CORO6: variants seen among roughly 807,000 people sequenced by gnomAD.
CORO6 encodes coronin-6.
CORO6 carries 43 observed loss-of-function variants against 49.0 expected under a neutral mutation model. The observed-to-expected ratio is 0.88, with a 90% confidence interval of 0.69 to 1.13. The LOEUF is 1.13. CORO6 is among the 50% of genes most tolerant of loss of function. The pLI, the probability that CORO6 is intolerant of heterozygous loss-of-function variation, is 0.00. For synonymous variants in CORO6, 233 were observed against 256.5 expected (o/e 0.91, Z 0.88); for missense variants, 650 against 647.0 (o/e 1.00, Z -0.05).
intron 1 of CORO6, 112 bp downstream of exon 1, chr17:29,622,576 C>G: frequency 5.6e-6 from 3 of 538,136 alleles, no homozygotes; most frequent in Non-Finnish European, 8.1e-6. Context: ...ACGTCCTCCC[C>G]GCCCGAAACC....
rs565883507 is a variant in CORO6 at position 29,615,960 on chromosome 17, G to A, written c.1278C>T (p.Ser426=). The part of the protein sequence containing the change: ...PSGPRRSQSA[S]DAPLSQQHTL... ...CCGATCTTACCGACAAGGGGGCGTC[G>A]CTGGCCGACTGGCTGCGGCGGGGGC... The change falls in exon 10 of 11, where the codon AGC becomes AGT. Residue 426 remains serine (S), a synonymous_variant. Transcript: ENST00000388767. 3.2e-6 allele frequency: 5 copies of A among 1,583,860 alleles called. No homozygotes were observed. The African/African-American group carries it at 6.7e-5, about 21-fold the overall frequency.
intron 6 of CORO6, 22 bp from the exon 7 acceptor site, chr17:29,617,064 G>A: frequency 6.2e-7 from 1 of 1,609,894 alleles, no homozygotes; most frequent in Non-Finnish European, 8.5e-7. Context: ...CAGGAGGCGT[G>A]ACCAGCCCTG....
In CORO6 at chr17:29,619,363, G is replaced by C. The variant is rs190204003; in HGVS notation, c.322-174C>G. ...AGAAGCAGCTGGGAGCCAGGAGGGGGCACTGCCAGCTCTCCAGAGACCTCC... is the reference window on the plus strand; with the variant it reads ...AGAAGCAGCTGGGAGCCAGGAGGGGCCACTGCCAGCTCTCCAGAGACCTCC... On this transcript the variant is annotated intron_variant, in intron 3 of 10. Coordinates refer to ENST00000388767, the MANE Select transcript of CORO6 (RefSeq NM_032854.4). 4.5e-3 allele frequency among the ~76,000 whole-genome samples: 684 copies of C among 152,186 alleles called. 1 individual carries two copies. Among genetic ancestry groups the C allele is most frequent in the Non-Finnish European group, 8.0e-3 (546 of 67,978 alleles).
chr17:29,617,994 C>T (rs1285967045), intron 5 of CORO6: 3 of 1,385,248 alleles, frequency 2.2e-6, no homozygotes, highest in Admixed American at 3.0e-5. Context: ...GGAAGGCGCT[C>T]CCGGCAGACC....
Position 29,621,489 on chromosome 17 carries a change from G to A in CORO6, c.-63-5C>T, listed in dbSNP as rs114668106. 2.2e-3 allele frequency: 3,466 copies of A among 1,544,614 alleles called. 32 individuals carry two copies. In the African/African-American group the frequency reaches 0.024, roughly 11 times the overall value. On this transcript the variant is annotated splice_polypyrimidine_tract_variant and splice_region_variant and intron_variant, in intron 1 of 10. Transcript: ENST00000388767. This position sits in a 1 kb window ranked among gnomAD's most constrained non-coding sequence, Gnocchi z 4.2. ...TTTGGTCCTTAGTCCTGTGAGCTGC[G>A]GGAGGGAGGAGGAGTGGAGGGGTGG...
rs763063962 is a variant in CORO6 at position 29,618,992 on chromosome 17, T to C, written c.452-21A>G. ...ACCACCTGCCCAGAGTGGCCAGGCA[T>C]GGTCACCTGGGTCCCACCTTTGCCA... On this transcript the variant is annotated intron_variant, in intron 4 of 10. Transcript: ENST00000388767. The C allele has an allele frequency of 2.4e-5, 38 of 1,612,896 alleles. No homozygotes were observed. The South Asian group carries it at 3.8e-4, about 16-fold the overall frequency.
intron 2 of CORO6, 76 bp from the exon 3 acceptor site, chr17:29,619,849 A>C: frequency 7.4e-7 from 1 of 1,350,850 alleles, no homozygotes; most frequent in Non-Finnish European, 1.0e-6. Context: ...ATCTGCTTAC[A>C]TCTCGATTCC....
At chr17:29,618,456 A>G in intron 5 of CORO6, 2 of 1,269,866 alleles carry the variant, frequency 1.6e-6, no homozygotes, top group Non-Finnish European at 2.0e-6. Flanking sequence ...CTGAGAGGAG[A>G]GGGGTCCAGG....
rs576597497 is a variant in CORO6 at position 29,617,575 on chromosome 17, G to A, written c.678C>T (p.Val226=). 6.2e-7 allele frequency: 1 copy of A among 1,608,134 alleles called. No homozygotes were observed. The highest frequency in any genetic ancestry group is 1.1e-5 in the South Asian group (1 of 90,574). ...AHEGMRPMRA[V]FTRQGHIFTT... ...TGAAGATATGGCCCTGGCGCGTGAA[G>A]ACGGCCCGCATGGGCCTCATCCCCT... The change falls in exon 6 of 11, where the codon GTC becomes GTT. Residue 226 remains valine (V), a synonymous_variant. Coordinates refer to ENST00000388767, the MANE Select transcript of CORO6 (RefSeq NM_032854.4).
Position 29,616,860 on chromosome 17 carries a change from T to C in CORO6, c.859-13A>G. On this transcript the variant is annotated splice_polypyrimidine_tract_variant and intron_variant, in intron 7 of 10. Coordinates refer to ENST00000388767, the MANE Select transcript of CORO6 (RefSeq NM_032854.4). The surrounding 1 kb of genome is among the most constrained non-coding windows in gnomAD (Gnocchi z 5.6). Reference sequence around the variant, plus strand: ...TGCTGCTGTCGCCCTGCAAAATCAGTCGGTTCAGGGGCGCGCCCGGACAAG... The same window carrying C: ...TGCTGCTGTCGCCCTGCAAAATCAGCCGGTTCAGGGGCGCGCCCGGACAAG... The C allele has an allele frequency of 6.2e-7, 1 of 1,612,580 alleles. No individual in the cohort carries two copies. Among genetic ancestry groups the C allele is most frequent in the Non-Finnish European group, 8.5e-7 (1 of 1,179,176 alleles).
At position 29,622,819 on chromosome 17, in the gene CORO6, G is replaced by T; in HGVS notation, c.-195C>A. The T allele has an allele frequency of 1.5e-6, 2 of 1,309,462 alleles. No homozygotes were observed. The highest frequency in any genetic ancestry group is 5.4e-5 in the East Asian group (1 of 18,470). The allele number at this position is 1,309,462 out of a possible 1,614,324, so 81.1% of individuals were successfully genotyped here. A position where few individuals can be genotyped will look rare whatever the true frequency, so the allele number is the denominator to read the frequency against. ...CGGGTGTCTGTAGTATCTGGGACCC[G>T]GGTGTCCAGCTCCGCACTCTGGCCG... On this transcript the variant is annotated 5_prime_UTR_variant, in exon 1 of 11. Coordinates refer to ENST00000388767, the MANE Select transcript of CORO6 (RefSeq NM_032854.4).
At position 29,616,780 on chromosome 17, in the gene CORO6, AACGTGTTCAGGTAGTGC is replaced by A. The variant is rs2034963195; in HGVS notation, c.909_925del (p.His304GlnfsTer23). ...GCCCCGCTGCGGCTCTTTGCTGCTGAACGTGTTCAGGTAGTGCACGAAAGGCGGCTCGTCGGTAATCT... is the reference window on the plus strand; with the variant it reads ...GCCCCGCTGCGGCTCTTTGCTGCTGAACGAAAGGCGGCTCGTCGGTAATCT... On this transcript the variant is annotated frameshift_variant, in exon 8 of 11. Coordinates refer to ENST00000388767, the MANE Select transcript of CORO6 (RefSeq NM_032854.4). LOFTEE classifies it high-confidence loss of function. This position sits in a 1 kb window ranked among gnomAD's most constrained non-coding sequence, Gnocchi z 5.6. 1 of 1,613,744 alleles carries A rather than the reference AACGTGTTCAGGTAGTGC, an allele frequency of 6.2e-7. No individual in the cohort carries two copies. Among genetic ancestry groups the A allele is most frequent in the Non-Finnish European group, 8.5e-7 (1 of 1,179,980 alleles).
At position 29,616,599 on chromosome 17, in the gene CORO6, C is replaced by A; in HGVS notation, c.1004+103G>T. ...AGAGCTGTCTTATCCCCCCGCCCCG[C>A]TTTTCCAAAGCACTGCATTACTGGG... is the stretch of plus-strand genomic sequence containing the variant. On this transcript the variant is annotated intron_variant, in intron 8 of 10. Coordinates refer to ENST00000388767, the MANE Select transcript of CORO6 (RefSeq NM_032854.4). The surrounding 1 kb of genome is among the most constrained non-coding windows in gnomAD (Gnocchi z 5.6). 1 of 1,482,166 alleles carries A rather than the reference C, an allele frequency of 6.7e-7. No individual in the cohort carries two copies. Among genetic ancestry groups the A allele is most frequent in the South Asian group, 1.2e-5 (1 of 80,410 alleles). 91.8% of individuals were successfully genotyped at this position (1,482,166 alleles called of 1,614,324 possible). A position where few individuals can be genotyped will look rare whatever the true frequency, so the allele number is the denominator to read the frequency against.
chr17:29,620,021 T>C (rs1284418793), intron 2 of CORO6, among the ~76,000 whole-genome samples: 1 of 152,194 alleles, frequency 6.6e-6, no homozygotes, highest in African/African-American at 2.4e-5. Context: ...AAGATACTTG[T>C]AGAGCTGAGA....
At chr17:29,618,572 AG>A in intron 5 of CORO6, 1 of 1,384,098 alleles carries the variant, frequency 7.2e-7, no homozygotes, top group Non-Finnish European at 9.3e-7. Flanking sequence ...GATGCAAGGG[AG>A]GGGAGGGAAC....
At chr17:29,619,503 G>A (rs2035196778) in intron 3 of CORO6, 148 bp downstream of exon 3, 2 of 804,678 alleles carry the variant, frequency 2.5e-6, no homozygotes, top group African/African-American at 3.4e-5. Context: ...TGGGCATGTA[G>A]CTAAAAATAG....
chr17:29,616,756 C>G lies in CORO6; in HGVS notation c.950G>C (p.Gly317Ala), dbSNP rs759983378. ...NTFSSKEPQR[G>A]MGFMPKRGLD... is the part of the protein sequence containing the mutation. Reference sequence around the variant, plus strand: ...TCCCCTTTTGGGCATGAAACCCATGCCCCGCTGCGGCTCTTTGCTGCTGAA... The same window carrying G: ...TCCCCTTTTGGGCATGAAACCCATGGCCCGCTGCGGCTCTTTGCTGCTGAA... Residue 317 changes from glycine to alanine, a missense_variant, in exon 8 of 11, where the codon GGC becomes GCC. By Grantham distance (60) the Gly-to-Ala change is moderately conservative (BLOSUM62 0). Transcript: ENST00000388767. The surrounding 1 kb of genome is among the most constrained non-coding windows in gnomAD (Gnocchi z 5.6). 1.4e-5 allele frequency: 23 copies of G among 1,613,852 alleles called. No individual in the cohort carries two copies. The highest frequency in any genetic ancestry group is 1.9e-5 in the Non-Finnish European group (22 of 1,179,936).
Position 29,616,017 on chromosome 17 carries a change from C to T in CORO6, c.1221G>A (p.Lys407=). The T allele has an allele frequency of 6.2e-7, 1 of 1,605,178 alleles. No individual in the cohort carries two copies. Among genetic ancestry groups the T allele is most frequent in the Non-Finnish European group, 8.5e-7 (1 of 1,175,942 alleles). The part of the protein sequence containing the change: ...PPKHRELRVT[K]RNILDVRPPS... The stretch of plus-strand genomic sequence containing the variant: ...GCGGGCGCACGTCCAGGATGTTGCG[C>T]TTCGTGACCCGGAGCTCGCGGTGCT... The change falls in exon 10 of 11, where the codon AAG becomes AAA. Residue 407 remains lysine (K), a synonymous_variant. Coordinates refer to ENST00000388767, the MANE Select transcript of CORO6 (RefSeq NM_032854.4). The surrounding 1 kb of genome is among the most constrained non-coding windows in gnomAD (Gnocchi z 5.6).
intron 6 of CORO6, chr17:29,617,271 A>C (rs758158396): frequency 6.5e-7 from 1 of 1,534,108 alleles, no homozygotes; most frequent in South Asian, 1.2e-5. Context: ...GTCACAGCAA[A>C]CCACCCCCAG....
Sources: allele counts gnomAD v4.1 joint callset (sites outside exome capture counted in the v4.1 genomes callset), GRCh38; gene constraint gnomAD v4.1.1; non-coding constraint Gnocchi (gnomAD v3.1); transcripts MANE v1.5; gene names NCBI Gene and HGNC (gene_info 2026-07-23, HGNC 2026-07-21).